CCDC93: variants seen among roughly 807,000 people sequenced by gnomAD.
The protein encoded by CCDC93 is CCC complex scaffolding subunit CCDC93, also known as coiled-coil domain-containing protein 93.
In CCDC93, 61 loss-of-function variants were observed where a neutral mutation model predicts 108.2. That is an observed-to-expected ratio of 0.56 (90% CI 0.46 to 0.70). The LOEUF is 0.70. Among genes scored for constraint, CCDC93 ranks in the 30% least tolerant of loss-of-function variants. The probability of loss-of-function intolerance (pLI) is 0.00; values close to 1 mark genes in which losing one functional copy is unlikely to be tolerated. For synonymous variants in CCDC93, 276 were observed against 260.4 expected, an observed-to-expected ratio of 1.06 and a Z score of -0.58; for missense variants, 685 against 764.2, an observed-to-expected ratio of 0.90 and a Z score of 1.22.
chr2:117,952,038 G>A (rs1679071807), intron 13 of CCDC93, among the ~76,000 whole-genome samples: 1 of 151,966 alleles, frequency 6.6e-6, no homozygotes, highest in African/African-American at 2.4e-5. Context: ...TGAGGGGCAG[G>A]AGCTATTTAC....
In CCDC93 at chr2:117,962,621, C is replaced by T. The variant is rs546740925; in HGVS notation, c.889-4140G>A. On this transcript the variant is annotated intron_variant, in intron 11 of 23. Coordinates refer to ENST00000376300, the MANE Select transcript of CCDC93 (RefSeq NM_019044.5). ...TCACACCACTACACTCCAGCCTGGGCGGCAGAGTGGGACTCTGCCTCAAAT... is the reference window on the plus strand; with the variant it reads ...TCACACCACTACACTCCAGCCTGGGTGGCAGAGTGGGACTCTGCCTCAAAT... 2.4e-4 allele frequency among the ~76,000 whole-genome samples: 37 copies of T among 152,190 alleles called. 1 individual carries two copies. In the South Asian group the frequency reaches 6.8e-3, roughly 28 times the overall value.
chr2:117,945,508 C>A, intron 17 of CCDC93, 21 bp downstream of exon 17: 1 of 1,611,018 alleles, frequency 6.2e-7, no homozygotes, highest in Non-Finnish European at 8.5e-7. Flanking sequence ...CAATGCCAGT[C>A]CTGAGCAGGC....
rs752637002 is a variant in CCDC93 at position 117,949,348 on chromosome 2, C to G, written c.1116G>C (p.Glu372Asp). ...EKLDKEQAAL[E>D]KIESKADPSI... ...TTGGATCAGCTTTGGATTCTATCTT[C>G]TCGAGGGCTGCTTGCTCTTTGTCCA... The change falls in exon 14 of 24, where the codon GAG becomes GAC. Residue 372 changes from glutamate to aspartate, a missense_variant. Glu to Asp is a conservative substitution (Grantham distance 45). Coordinates refer to ENST00000376300, the MANE Select transcript of CCDC93 (RefSeq NM_019044.5). The G allele has an allele frequency of 5.6e-6, 9 of 1,613,828 alleles. No homozygotes were observed. In the South Asian group the frequency reaches 9.9e-5, roughly 18 times the overall value.
At chr2:118,013,897 G>A (rs575053605) in intron 1 of CCDC93, 57 bp downstream of exon 1, 1 of 1,446,362 alleles carries the variant, frequency 6.9e-7, no homozygotes, top group Non-Finnish European at 9.3e-7. Flanking sequence ...GCCGCCCCGC[G>A]GCTCGGCCCT....
chr2:117,924,107 T>G (rs1011494446), intron 23 of CCDC93, among the ~76,000 whole-genome samples: 2 of 152,054 alleles, frequency 1.3e-5, no homozygotes, highest in Admixed American at 6.5e-5. Context: ...AGAAAGGACA[T>G]CCACACCAAA....
chr2:117,958,606 A>G (rs1679292119), intron 11 of CCDC93, 125 bp from the exon 12 acceptor site: 1 of 677,936 alleles, frequency 1.5e-6, no homozygotes, highest in Non-Finnish European at 2.7e-6. Flanking sequence ...CAGGGCATTT[A>G]CAGAGGCCTG....
intron 18 of CCDC93, 87 bp from the exon 19 acceptor site, chr2:117,941,384 G>A (rs548341612): frequency 7.1e-6 from 7 of 985,508 alleles, no homozygotes; most frequent in South Asian, 1.4e-5. Context: ...CCTGCACCCC[G>A]ACCTGAGCCC....
At chr2:117,983,762 A>G (rs1363778373) in intron 7 of CCDC93, among the ~76,000 whole-genome samples, 4 of 152,010 alleles carry the variant, frequency 2.6e-5, no homozygotes, top group Non-Finnish European at 5.9e-5. Context: ...ACTGCCAGAA[A>G]GGAAGGGAGA....
chr2:117,994,787 T>C (rs1001562561), intron 6 of CCDC93, among the ~76,000 whole-genome samples: 2 of 152,236 alleles, frequency 1.3e-5, no homozygotes, highest in African/African-American at 4.8e-5. Context: ...GTAAAAAGCA[T>C]GCAAAACAAC....
At chr2:117,956,865 C>T (rs1395737379) in intron 12 of CCDC93, among the ~76,000 whole-genome samples, 1 of 150,244 alleles carries the variant, frequency 6.7e-6, no homozygotes, top group Non-Finnish European at 1.5e-5. Context: ...TAAAAACTAA[C>T]AAGCTCAAAA....
At chr2:117,927,005 C>A (rs1313925570) in intron 23 of CCDC93, among the ~76,000 whole-genome samples, 2 of 152,148 alleles carry the variant, frequency 1.3e-5, no homozygotes, top group East Asian at 3.9e-4. Flanking sequence ...ATAAACAGAA[C>A]CAAAGACAAA....
intron 1 of CCDC93, among the ~76,000 whole-genome samples, chr2:118,010,482 C>T (rs1170394122): frequency 1.3e-5 from 2 of 152,180 alleles, no homozygotes; most frequent in Non-Finnish European, 2.9e-5. Context: ...TGAGTCCTCC[C>T]TTACCCAACA....
intron 7 of CCDC93, among the ~76,000 whole-genome samples, chr2:117,980,196 C>T (rs567164824): frequency 9.8e-5 from 15 of 152,306 alleles, no homozygotes; most frequent in African/African-American, 2.9e-4. Context: ...AGCTTGAGAG[C>T]TGACCCTGGC....
intron 20 of CCDC93, among the ~76,000 whole-genome samples, chr2:117,938,725 C>T (rs1418711090): frequency 6.6e-6 from 1 of 152,124 alleles, no homozygotes; most frequent in African/African-American, 2.4e-5. Context: ...CTGGTTCCTC[C>T]CTTCCTTTAA....
At chr2:117,998,636 G>C (rs753279811) in intron 4 of CCDC93, 12 of 152,146 alleles carry the variant, frequency 7.9e-5, no homozygotes, top group Non-Finnish European at 1.8e-4. Flanking sequence ...TCACAATGGA[G>C]AACATTCAGA....
chr2:117,970,985 A>T (rs1001791468), intron 11 of CCDC93, among the ~76,000 whole-genome samples: 3 of 152,226 alleles, frequency 2.0e-5, no homozygotes, highest in Admixed American at 2.0e-4. Flanking sequence ...ACAATGGCAA[A>T]CAGAAACAAC....
rs369578153 is a variant in CCDC93 at position 117,932,184 on chromosome 2, A to T, written c.1729-1034T>A. 6.6e-5 allele frequency among the ~76,000 whole-genome samples: 10 copies of T among 152,212 alleles called. No individual in the cohort carries two copies. In the East Asian group the frequency reaches 1.9e-3, roughly 29 times the overall value. On this transcript the variant is annotated intron_variant, in intron 22 of 23. Coordinates refer to ENST00000376300, the MANE Select transcript of CCDC93 (RefSeq NM_019044.5). ...GGTAAACCCAGAGAATCAGCCAGGAAATGAGGGCAGTAAGAGTTACGGTAC... is the reference window on the plus strand; with the variant it reads ...GGTAAACCCAGAGAATCAGCCAGGATATGAGGGCAGTAAGAGTTACGGTAC...
chr2:117,936,883 A>G, intron 20 of CCDC93, 144 bp from the exon 21 acceptor site: 1 of 649,380 alleles, frequency 1.5e-6, no homozygotes, highest in Non-Finnish European at 2.8e-6. Context: ...GTAACATATG[A>G]AAAAAAAATT....
intron 6 of CCDC93, among the ~76,000 whole-genome samples, chr2:117,989,786 A>C (rs1339236565): frequency 2.0e-5 from 3 of 152,244 alleles, no homozygotes; most frequent in African/African-American, 7.2e-5. Flanking sequence ...AGATATATAC[A>C]TATTTACATG....
Sources: gnomAD v4.1 joint callset for allele counts (sites outside exome capture counted in the v4.1 genomes callset) on GRCh38, gnomAD v4.1.1 for gene constraint, MANE v1.5 for transcripts, NCBI Gene and HGNC (gene_info 2026-07-23, HGNC 2026-07-21) for gene names.